KHDRBS3: variants seen among roughly 807,000 people sequenced by gnomAD.
The protein encoded by KHDRBS3 is KH domain-containing, RNA-binding, signal transduction-associated protein 3.
KHDRBS3 carries 23 observed loss-of-function variants against 45.6 expected under a neutral mutation model. The observed-to-expected ratio is 0.50, with a 90% CI of 0.36 to 0.72. KHDRBS3 has a LOEUF of 0.72. Among genes scored for constraint, KHDRBS3 ranks in the 30% least tolerant of loss-of-function variants. KHDRBS3 has a pLI of 0.00. For synonymous variants in KHDRBS3, 162 were observed against 156.5 expected, an observed-to-expected ratio of 1.04 and a Z score of -0.26; for missense variants, 352 against 424.8, an observed-to-expected ratio of 0.83 and a Z score of 1.51.
chr8:135,497,289 G>A (rs187011836), intron 1 of KHDRBS3, among the ~76,000 whole-genome samples: 2 of 152,294 alleles, frequency 1.3e-5, no homozygotes, highest in East Asian at 1.9e-4. Flanking sequence ...TGTTAACAGT[G>A]GATATGTCGG....
chr8:135,575,746 G>A (rs7831761), intron 5 of KHDRBS3, among the ~76,000 whole-genome samples: 26,363 of 151,970 alleles, frequency 0.17, 2,393 homozygotes, highest in East Asian at 0.35. Context: ...CCTGCATGTG[G>A]TTTTTCTCTA....
At chr8:135,528,825 C>A (rs1015545452) in intron 2 of KHDRBS3, among the ~76,000 whole-genome samples, 4 of 152,174 alleles carry the variant, frequency 2.6e-5, no homozygotes, top group Non-Finnish European at 5.9e-5. Context: ...AATTAATTAC[C>A]TTAGCCCTTT....
intron 1 of KHDRBS3, among the ~76,000 whole-genome samples, chr8:135,509,744 G>A (rs894170771): frequency 2.4e-4 from 36 of 152,072 alleles, no homozygotes; most frequent in Non-Finnish European, 7.4e-5. Flanking sequence ...GAATGACTAT[G>A]TATAATTAAG....
At chr8:135,528,185 T>G (rs552021730) in intron 2 of KHDRBS3, among the ~76,000 whole-genome samples, 8 of 152,360 alleles carry the variant, frequency 5.3e-5, no homozygotes, top group Non-Finnish European at 8.8e-5. Context: ...AAAGTTTTTC[T>G]AGAATCTGAA....
chr8:135,520,103 T>A (rs1824832602), intron 1 of KHDRBS3, among the ~76,000 whole-genome samples: 1 of 152,250 alleles, frequency 6.6e-6, no homozygotes. Context: ...CTTTGTCATC[T>A]GTCTTGAGGA....
chr8:135,512,428 T>TCGG (rs1379444058), intron 1 of KHDRBS3, among the ~76,000 whole-genome samples: 346 of 27,624 alleles, frequency 0.013, 28 homozygotes, highest in African/African-American at 0.076. Context: ...TTTGGAAAAG[T>TCGG]CGGGGGGGGG....
At chr8:135,538,164 G>A (rs1825869703) in intron 2 of KHDRBS3, among the ~76,000 whole-genome samples, 1 of 152,164 alleles carries the variant, frequency 6.6e-6, no homozygotes, top group Admixed American at 6.5e-5. Flanking sequence ...ACAGTGATCA[G>A]AGAACACTAC....
At chr8:135,523,420 T>A (rs527668910) in intron 2 of KHDRBS3, among the ~76,000 whole-genome samples, 31 of 122,264 alleles carry the variant, frequency 2.5e-4, no homozygotes, top group African/African-American at 9.3e-4. Context: ...ATTTTCCAGT[T>A]TTTTTTCTAA....
chr8:135,650,777 T>C (rs907102564), downstream of KHDRBS3, among the ~76,000 whole-genome samples: 7 of 152,376 alleles, frequency 4.6e-5, no homozygotes, highest in African/African-American at 1.4e-4. Context: ...CTGAGCATTG[T>C]GATAACTGCC....
intron 2 of KHDRBS3, among the ~76,000 whole-genome samples, chr8:135,536,248 T>A (rs943380576): frequency 8.9e-6 from 1 of 112,906 alleles, no homozygotes. Flanking sequence ...TTTTTTTTTT[T>A]TTTTTTTTTT....
At chr8:135,553,386 G>A (rs1417554945) in intron 4 of KHDRBS3, among the ~76,000 whole-genome samples, 1 of 152,078 alleles carries the variant, frequency 6.6e-6, no homozygotes, top group Non-Finnish European at 1.5e-5. Flanking sequence ...TCCCTTAGCT[G>A]TACCAGAAGT....
At chr8:135,640,709 G>A (rs1831024690) in intron 7 of KHDRBS3, among the ~76,000 whole-genome samples, 1 of 152,138 alleles carries the variant, frequency 6.6e-6, no homozygotes, top group Non-Finnish European at 1.5e-5. Context: ...AGGAAGGGAA[G>A]CCCCCCTCTT....
rs531849234 is a variant in KHDRBS3, at chr8:135,546,328, C to T, written c.325-2426C>T. On this transcript the variant is annotated intron_variant, in intron 3 of 8. Transcript: ENST00000355849. ...GATTCCCATTACTTATTATTTTAAT[C>T]TCATCCATTTAGATTTTCAAAGTGT... Among the ~76,000 whole-genome samples the T allele has an allele frequency of 5.3e-5, 8 of 152,144 alleles. No individual in the cohort carries two copies. The East Asian group carries it at 1.5e-3, about 29-fold the overall frequency.
chr8:135,625,968 A>T (rs1371636252), intron 7 of KHDRBS3: 4 of 788,330 alleles, frequency 5.1e-6, no homozygotes, highest in Admixed American at 1.7e-5. Flanking sequence ...CGTTGAGTAT[A>T]CGTTCACTGC....
chr8:135,600,218 A>T (rs28679869), intron 6 of KHDRBS3, among the ~76,000 whole-genome samples: 3 of 152,192 alleles, frequency 2.0e-5, no homozygotes. Flanking sequence ...TGCAGAGTGG[A>T]GATTTTAAGC....
At chr8:135,636,270 A>G (rs1224875845) in intron 7 of KHDRBS3, among the ~76,000 whole-genome samples, 1 of 152,220 alleles carries the variant, frequency 6.6e-6, no homozygotes, top group East Asian at 1.9e-4. Context: ...TTTTCCCGTC[A>G]TCATACAGAA....
intron 6 of KHDRBS3, among the ~76,000 whole-genome samples, chr8:135,600,777 C>CA (rs1343495406): frequency 6.6e-6 from 1 of 152,196 alleles, no homozygotes; most frequent in Admixed American, 6.5e-5. Context: ...CCTTGGTCTG[C>CA]AGCCTCCGCC....
chr8:135,465,822 G>A (rs898839093), intron 1 of KHDRBS3, among the ~76,000 whole-genome samples: 1 of 152,136 alleles, frequency 6.6e-6, no homozygotes, highest in Admixed American at 6.5e-5. Context: ...TATTATTGAT[G>A]TTCTTCGTTG....
At chr8:135,493,082 A>AT (rs1351862984) in intron 1 of KHDRBS3, among the ~76,000 whole-genome samples, 7,624 of 145,176 alleles carry the variant, frequency 0.053, 566 homozygotes, top group African/African-American at 0.16. Flanking sequence ...TGTTACTGGA[A>AT]TTTTTTTTTT....
Sources: allele counts gnomAD v4.1 joint callset (sites outside exome capture counted in the v4.1 genomes callset), GRCh38; gene constraint gnomAD v4.1.1; transcripts MANE v1.5; gene names NCBI Gene and HGNC (gene_info 2026-07-23, HGNC 2026-07-21).